The following TMED8 variants were observed in gnomAD, a reference collection of about 807,000 sequenced individuals.
TMED8 encodes protein TMED8.
Under a neutral mutation model 32.7 loss-of-function variants are expected in TMED8, and 15 were observed. The ratio of observed to expected loss-of-function variants is 0.46; its 90% CI spans 0.31 to 0.71. The LOEUF is 0.71. TMED8 is among the 30% of genes least tolerant of loss of function. The pLI is 0.06. For missense variants in TMED8, 390 were observed against 423.9 expected, an observed-to-expected ratio of 0.92 and a Z score of 0.70; for synonymous variants, 147 against 161.4, an observed-to-expected ratio of 0.91 and a Z score of 0.68.
At chr14:77,370,150 C>T (rs1440436993) in intron 1 of TMED8, among the ~76,000 whole-genome samples, 5 of 140,260 alleles carry the variant, frequency 3.6e-5, no homozygotes, top group Admixed American at 1.5e-4. Context: ...CCAGTCAAGG[C>T]GACAGAGCGA....
intron 2 of TMED8, among the ~76,000 whole-genome samples, chr14:77,348,949 C>G (rs189699020): frequency 1.3e-5 from 2 of 152,178 alleles, no homozygotes; most frequent in East Asian, 3.9e-4. Flanking sequence ...TATTTTAATG[C>G]TCTTCAACCC....
chr14:77,361,195 T>C (rs1019580886), intron 1 of TMED8, among the ~76,000 whole-genome samples: 11 of 152,128 alleles, frequency 7.2e-5, no homozygotes, highest in Admixed American at 6.6e-4. Context: ...TTGACCAGGC[T>C]GGTCTCAAAC....
intron 1 of TMED8, among the ~76,000 whole-genome samples, chr14:77,352,732 C>A (rs919772920): frequency 1.8e-4 from 28 of 151,986 alleles, no homozygotes; most frequent in African/African-American, 1.9e-4. Flanking sequence ...GAGCGAGACT[C>A]CAACTCAATT....
chr14:77,372,906 T>TTTTATATATATATATA, intron 1 of TMED8, among the ~76,000 whole-genome samples: 1 of 35,342 alleles, frequency 2.8e-5, no homozygotes, highest in South Asian at 1.6e-3. Context: ...GCCACAGATA[T>TTTTATATATATATATA]TATATATATA....
intron 1 of TMED8, among the ~76,000 whole-genome samples, chr14:77,361,883 T>G (rs958268825): frequency 6.6e-6 from 1 of 152,118 alleles, no homozygotes; most frequent in East Asian, 1.9e-4. Context: ...TCGACCTCCA[T>G]GGCTCAAGCA....
chr14:77,371,461 AT>A (rs914055764), intron 1 of TMED8, among the ~76,000 whole-genome samples: 2 of 151,964 alleles, frequency 1.3e-5, no homozygotes, highest in South Asian at 2.1e-4. Context: ...TATGCTTTTG[AT>A]TTTTTTTCTT....
intron 1 of TMED8, among the ~76,000 whole-genome samples, chr14:77,368,416 G>C (rs1893604406): frequency 6.6e-6 from 1 of 152,114 alleles, no homozygotes; most frequent in Non-Finnish European, 1.5e-5. Context: ...CTTCTTTTGT[G>C]AAGTGCCTCT....
At position 77,341,566 on chromosome 14, in the gene TMED8, CT is replaced by C. The variant is rs1892898993; in HGVS notation, c.*204del. ...AAGCAAGAAGGGTATGAGTCAGGGA[CT>C]ACAGAACAGGGGCACTACACCACCA... On this transcript the variant is annotated 3_prime_UTR_variant, in exon 6 of 6. Transcript: ENST00000216468. 1 of 598,426 alleles carries C rather than the reference CT, an allele frequency of 1.7e-6. No homozygotes were observed. The highest frequency in any genetic ancestry group is 2.8e-5 in the East Asian group (1 of 35,508). 37.1% of individuals were successfully genotyped at this position (598,426 alleles called of 1,614,324 possible).
At chr14:77,351,409 TAA>T (rs1893172936) in intron 2 of TMED8, among the ~76,000 whole-genome samples, 1 of 124,916 alleles carries the variant, frequency 8.0e-6, no homozygotes, top group Non-Finnish European at 1.6e-5. Context: ...CACGCCCCGC[TAA>T]TTTTTTTTTT....
At chr14:77,371,368 T>C (rs894553721) in intron 1 of TMED8, among the ~76,000 whole-genome samples, 2 of 152,212 alleles carry the variant, frequency 1.3e-5, no homozygotes, top group African/African-American at 4.8e-5. Flanking sequence ...AATTCCCTTA[T>C]TATGATTTAG....
chr14:77,366,291 C>T (rs1428196179), intron 1 of TMED8, among the ~76,000 whole-genome samples: 1 of 152,224 alleles, frequency 6.6e-6, no homozygotes, highest in Non-Finnish European at 1.5e-5. Flanking sequence ...GACAATAGTA[C>T]TCAGTGGAAG....
chr14:77,349,856 CG>C (rs1258888648), intron 2 of TMED8, among the ~76,000 whole-genome samples: 3 of 152,164 alleles, frequency 2.0e-5, no homozygotes, highest in Admixed American at 6.5e-5. Context: ...TTAAAAGTGC[CG>C]TGGGCCTGGA....
At chr14:77,347,107 A>G (rs1377715147) in intron 2 of TMED8, among the ~76,000 whole-genome samples, 4 of 151,898 alleles carry the variant, frequency 2.6e-5, no homozygotes, top group Non-Finnish European at 4.4e-5. Flanking sequence ...ATTAACCACC[A>G]TCCTGCCCTC....
chr14:77,376,881 T>C lies in TMED8; in HGVS notation c.118+55A>G. 1 of 1,136,450 alleles carries C rather than the reference T, an allele frequency of 8.8e-7. No homozygotes were observed. The highest frequency in any genetic ancestry group is 1.2e-6 in the Non-Finnish European group (1 of 862,182). The allele number at this position is 1,136,450 out of a possible 1,614,324, so 70.4% of individuals were successfully genotyped here. On this transcript the variant is annotated intron_variant, in intron 1 of 5. Coordinates refer to ENST00000216468, the MANE Select transcript of TMED8 (RefSeq NM_213601.3). This position sits in a 1 kb window ranked among gnomAD's most constrained non-coding sequence, Gnocchi z 4.0. ...AGCGCGGCGGAGGCTCGCGCCGTGG[T>C]GCGGGGCCCTGAGGCCGGGCGGCAC...
chr14:77,357,088 G>A (rs1893306542), intron 1 of TMED8, among the ~76,000 whole-genome samples: 2 of 152,170 alleles, frequency 1.3e-5, no homozygotes, highest in Admixed American at 6.5e-5. Context: ...CAATAGCCAT[G>A]AGTTGCTAAT....
At chr14:77,364,618 C>T (rs1212297240) in intron 1 of TMED8, among the ~76,000 whole-genome samples, 5 of 152,170 alleles carry the variant, frequency 3.3e-5, no homozygotes, top group South Asian at 2.1e-4. Context: ...GCCTCAAACT[C>T]TTGGGCTCAA....
chr14:77,349,105 C>CCTT (rs2139610954), intron 2 of TMED8, among the ~76,000 whole-genome samples: 1 of 85,538 alleles, frequency 1.2e-5, no homozygotes, highest in South Asian at 4.0e-4. Flanking sequence ...ACTCTAAGGC[C>CCTT]CTTTTTTTTT....
intron 1 of TMED8, among the ~76,000 whole-genome samples, chr14:77,372,049 G>T (rs537293811): frequency 1.3e-5 from 2 of 152,148 alleles, no homozygotes; most frequent in African/African-American, 4.8e-5. Context: ...AACTAATACT[G>T]TAACGGTATT....
In TMED8 at chr14:77,343,207, T is replaced by G. The variant is rs1489736968; in HGVS notation, c.731A>C (p.Glu244Ala). The G allele has an allele frequency of 2.5e-6, 4 of 1,614,116 alleles. No individual in the cohort carries two copies. In the East Asian group the frequency reaches 8.9e-5, roughly 36 times the overall value. The change falls in exon 5 of 6, where the codon GAA (glutamate) becomes GCA (alanine). Residue 244 changes from glutamate (E) to alanine (A), a missense_variant. By Grantham distance (107) the Glu-to-Ala change is moderately radical. Coordinates refer to ENST00000216468, the MANE Select transcript of TMED8 (RefSeq NM_213601.3). ...AATCTCTTCCTCCTCTTCCTCTTCTTCATCCTCATCGTCACTGGAATCACT... is the reference window on the plus strand; with the variant it reads ...AATCTCTTCCTCCTCTTCCTCTTCTGCATCCTCATCGTCACTGGAATCACT... ...QVSDSSDDEDEEEEEEEEIEE... is the reference protein window; with the variant it reads ...QVSDSSDDEDAEEEEEEEIEE...
Sources: allele counts gnomAD v4.1 joint callset (sites outside exome capture counted in the v4.1 genomes callset), GRCh38; gene constraint gnomAD v4.1.1; non-coding constraint Gnocchi (gnomAD v3.1); transcripts MANE v1.5; gene names NCBI Gene and HGNC (gene_info 2026-07-23, HGNC 2026-07-21).